CHD2: variants seen among roughly 807,000 people sequenced by gnomAD.
CHD2 encodes ATP-dependent chromatin remodeler CHD2.
In CHD2, 28 loss-of-function variants were observed where a neutral mutation model predicts 243.9. The observed-to-expected ratio is 0.11, with a 90% CI of 0.09 to 0.16. The LOEUF (loss-of-function observed/expected upper bound fraction) is 0.16, where lower values mean the gene tolerates loss of function less well. Among genes scored for constraint, CHD2 ranks in the 10% least tolerant of loss-of-function variants. CHD2 has a pLI of 1.00. For missense variants in CHD2, 1,386 were observed against 2,209.8 expected (o/e 0.63, Z 7.47); for synonymous variants, 775 against 779.0 (o/e 0.99, Z 0.09).
intron 34 of CHD2, 33 bp from the exon 35 acceptor site, chr15:93,009,112 T>G (rs1281248667): frequency 2.5e-6 from 4 of 1,603,534 alleles, no homozygotes; most frequent in African/African-American, 1.3e-5. Context: ...TTCTGCAGAT[T>G]GTTTATGTCT....
At chr15:92,993,607 G>A (rs1203308488) in intron 28 of CHD2, among the ~76,000 whole-genome samples, 3 of 152,194 alleles carry the variant, frequency 2.0e-5, no homozygotes, top group Non-Finnish European at 4.4e-5. Context: ...AGAGAACTCT[G>A]AAGTAGTTAT....
intron 16 of CHD2, among the ~76,000 whole-genome samples, chr15:92,958,216 T>C (rs2053641553): frequency 6.6e-6 from 1 of 152,238 alleles, no homozygotes; most frequent in African/African-American, 2.4e-5. Flanking sequence ...TGTGCAGTCC[T>C]ACCAAAAATG....
At position 92,900,361 on chromosome 15, in the gene CHD2, TAG is replaced by T. The variant is rs962894572; in HGVS notation, c.-528_-527del. ...GAGGCTCTAGATGGCGGCTGTGCCT[TAG>T]AGAGAGCGCGCTCTGCTCCCTGCCT... On this transcript the variant is annotated 5_prime_UTR_variant, in exon 1 of 39. Transcript: ENST00000394196. 5.1e-6 allele frequency: 2 copies of T among 389,648 alleles called. No individual in the cohort carries two copies. Among genetic ancestry groups the T allele is most frequent in the Non-Finnish European group, 4.5e-6 (1 of 221,214 alleles). 24.1% of individuals were successfully genotyped at this position (389,648 alleles called of 1,614,324 possible).
At chr15:92,989,278 C>T (rs1163056776) in intron 26 of CHD2, among the ~76,000 whole-genome samples, 18 of 152,072 alleles carry the variant, frequency 1.2e-4, no homozygotes, top group African/African-American at 3.9e-4. Context: ...GTGATCCACC[C>T]GCCTCGGCCT....
chr15:93,003,852 G>A (rs371227325), intron 33 of CHD2, among the ~76,000 whole-genome samples: 5 of 123,054 alleles, frequency 4.1e-5, no homozygotes, highest in East Asian at 4.8e-4. Context: ...CAAGCTAGGC[G>A]CAGTGGCTCA....
rs1271606119 is a variant in CHD2 at position 92,998,927 on chromosome 15, C to T, written c.4008+306C>T. ...TGAAACCCCGTCTCTACTAAAAATA[C>T]AAAAAAATTAGCCGGGCGTGGTGGC... On this transcript the variant is annotated intron_variant, in intron 31 of 38. Transcript: ENST00000394196. The surrounding 1 kb of genome is among the most constrained non-coding windows in gnomAD (Gnocchi z 5.1). 6.6e-6 allele frequency among the ~76,000 whole-genome samples: 1 copy of T among 151,336 alleles called. No individual in the cohort carries two copies. The highest frequency in any genetic ancestry group is 1.5e-5 in the Non-Finnish European group (1 of 67,784).
intron 17 of CHD2, among the ~76,000 whole-genome samples, chr15:92,968,440 T>G (rs2141831914): frequency 6.6e-6 from 1 of 152,352 alleles, no homozygotes; most frequent in Admixed American, 6.5e-5. Context: ...AAGGCTTGAT[T>G]AGACTCAGAT....
intron 34 of CHD2, 61 bp downstream of exon 34, chr15:93,004,812 CT>C: frequency 1.9e-6 from 3 of 1,557,462 alleles, no homozygotes; most frequent in Non-Finnish European, 2.6e-6. Flanking sequence ...GTGGCTCTGC[CT>C]TTTATAGGTC....
At chr15:92,966,893 G>A (rs1257451946) in intron 16 of CHD2, among the ~76,000 whole-genome samples, 1 of 141,444 alleles carries the variant, frequency 7.1e-6, no homozygotes, top group Non-Finnish European at 1.5e-5. Context: ...CTGGGCGACG[G>A]AGCGAGACTC....
At chr15:92,911,037 T>A (rs1438407817) in intron 2 of CHD2, among the ~76,000 whole-genome samples, 2 of 152,204 alleles carry the variant, frequency 1.3e-5, no homozygotes, top group Non-Finnish European at 2.9e-5. Flanking sequence ...TAAAATACAG[T>A]ATTACAGTCT....
chr15:92,983,765 TTC>T (rs1428279955), intron 24 of CHD2, among the ~76,000 whole-genome samples: 3 of 152,258 alleles, frequency 2.0e-5, no homozygotes, highest in African/African-American at 7.2e-5. Flanking sequence ...TTTAAATTTT[TTC>T]TGTTTTATGT....
At chr15:92,988,710 G>T (rs2054076992) in intron 26 of CHD2, among the ~76,000 whole-genome samples, 1 of 151,660 alleles carries the variant, frequency 6.6e-6, no homozygotes, top group Non-Finnish European at 1.5e-5. Flanking sequence ...AGATTTGGCA[G>T]TTCTCTCTTC....
intron 5 of CHD2, among the ~76,000 whole-genome samples, chr15:92,936,337 C>T (rs145869000): frequency 7.9e-5 from 12 of 152,314 alleles, no homozygotes; most frequent in African/African-American, 2.9e-4. Context: ...TATAAAGTGA[C>T]CCATAGGCAA....
chr15:92,901,770 GA>G (rs2052532035), intron 2 of CHD2: 2 of 261,018 alleles, frequency 7.7e-6, no homozygotes, highest in Non-Finnish European at 1.4e-5. Flanking sequence ...AGACATATCA[GA>G]AAGTTATATG....
At chr15:92,999,140 T>G (rs990003992) in intron 31 of CHD2, among the ~76,000 whole-genome samples, 3 of 151,028 alleles carry the variant, frequency 2.0e-5, no homozygotes, top group Non-Finnish European at 4.4e-5. Flanking sequence ...CACGGCATCT[T>G]GGCAGCTTTC....
At chr15:93,012,283 G>T in intron 35 of CHD2, 62 bp from the exon 36 acceptor site, 1 of 1,085,256 alleles carries the variant, frequency 9.2e-7, no homozygotes, top group Non-Finnish European at 1.4e-6. Flanking sequence ...CATCCATGAA[G>T]ATCATAAAAA....
chr15:92,919,884 T>G (rs1567124830), intron 2 of CHD2, among the ~76,000 whole-genome samples: 2 of 152,172 alleles, frequency 1.3e-5, no homozygotes, highest in African/African-American at 4.8e-5. Context: ...CACTACTAAG[T>G]TTCAGTCATA....
At chr15:92,978,111 T>C in intron 20 of CHD2, 123 bp from the exon 21 acceptor site, 1 of 1,100,092 alleles carries the variant, frequency 9.1e-7, no homozygotes. Flanking sequence ...CTCCATAAAG[T>C]TTGTCCATCA....
intron 13 of CHD2, 119 bp from the exon 14 acceptor site, chr15:92,953,238 A>G: frequency 1.4e-6 from 1 of 729,296 alleles, no homozygotes; most frequent in Non-Finnish European, 2.3e-6. Flanking sequence ...TTTGAGGCTT[A>G]TGAATGACAC....
Sources: gnomAD v4.1 joint callset for allele counts (sites outside exome capture counted in the v4.1 genomes callset) on GRCh38, gnomAD v4.1.1 for gene constraint, Gnocchi (gnomAD v3.1) non-coding constraint, MANE v1.5 for transcripts, NCBI Gene and HGNC (gene_info 2026-07-23, HGNC 2026-07-21) for gene names.